Variants in TRIR observed in about 807,000 individuals in gnomAD.
The protein encoded by TRIR is telomerase RNA component-interacting RNase.
Under a neutral mutation model 18.2 loss-of-function variants are expected in TRIR, and 5 were observed. The observed-to-expected ratio is 0.27, with a 90% CI of 0.14 to 0.58. The LOEUF (loss-of-function observed/expected upper bound fraction) is 0.58, where lower values mean the gene tolerates loss of function less well. Ranked by LOEUF, TRIR falls within the 20% of genes least tolerant of loss-of-function variation. The pLI, the probability that TRIR is intolerant of heterozygous loss-of-function variation, is 0.91. For missense variants in TRIR, 206 were observed against 252.8 expected (o/e 0.81, Z 1.25); for synonymous variants, 134 against 114.4 (o/e 1.17, Z -1.10).
Position 12,731,127 on chromosome 19 carries a change from C to G in TRIR, c.424-59G>C, listed in dbSNP as rs1484592126. 77 of 1,439,170 alleles carry G rather than the reference C, an allele frequency of 5.4e-5. No homozygotes were observed. The highest frequency in any genetic ancestry group is 7.3e-5 in the Non-Finnish European group (75 of 1,021,654). The allele number at this position is 1,439,170 out of a possible 1,614,324, so 89.2% of individuals were successfully genotyped here. On this transcript the variant is annotated intron_variant, in intron 2 of 2. Coordinates refer to ENST00000242784, the MANE Select transcript of TRIR (RefSeq NM_024038.4). The surrounding 1 kb of genome is among the most constrained non-coding windows in gnomAD (Gnocchi z 5.1). ...GCCAGGAACCAGGGTCAGGACTGCC[C>G]TGAGACAGGTGACCCATTCCCAGTG... is the stretch of plus-strand genomic sequence containing the variant.
Position 12,731,643 on chromosome 19 carries a change from A to G in TRIR, c.346-222T>C. ...CTCCCAGGGAGCAAGAAGAGTGTCC[A>G]CCTCAGTAGGGACCAGCTCTGTTCT... On this transcript the variant is annotated intron_variant, in intron 1 of 2. Coordinates refer to ENST00000242784, the MANE Select transcript of TRIR (RefSeq NM_024038.4). This position sits in a 1 kb window ranked among gnomAD's most constrained non-coding sequence, Gnocchi z 5.1. 1.7e-6 allele frequency: 1 copy of G among 575,878 alleles called. No individual in the cohort carries two copies. The highest frequency in any genetic ancestry group is 2.1e-5 in the South Asian group (1 of 48,376). 35.7% of individuals were successfully genotyped at this position (575,878 alleles called of 1,614,324 possible).
Position 12,731,547 on chromosome 19 carries a change from A to G in TRIR, c.346-126T>C. 1 of 1,016,766 alleles carries G rather than the reference A, an allele frequency of 9.8e-7. No individual in the cohort carries two copies. Among genetic ancestry groups the G allele is most frequent in the Non-Finnish European group, 1.4e-6 (1 of 703,804 alleles). 63.0% of individuals were successfully genotyped at this position (1,016,766 alleles called of 1,614,324 possible). ...TCCTGACGCCGCGCCCAGCTCCGCC[A>G]GCCGGCCGACCTGCGCAGCAATCAG... On this transcript the variant is annotated intron_variant, in intron 1 of 2. Coordinates refer to ENST00000242784, the MANE Select transcript of TRIR (RefSeq NM_024038.4). This position sits in a 1 kb window ranked among gnomAD's most constrained non-coding sequence, Gnocchi z 5.1.
chr19:12,732,327 C>T (rs1321952454), intron 1 of TRIR, among the ~76,000 whole-genome samples: 1 of 152,042 alleles, frequency 6.6e-6, no homozygotes, highest in African/African-American at 2.4e-5. Context: ...TTTGAGGGTG[C>T]AGCCAAAATG....
In TRIR at chr19:12,730,737, G is replaced by C; in HGVS notation, c.*224C>G. 1.7e-6 allele frequency: 1 copy of C among 586,762 alleles called. No individual in the cohort carries two copies. The highest frequency in any genetic ancestry group is 2.0e-5 in the South Asian group (1 of 48,940). The allele number at this position is 586,762 out of a possible 1,614,324, so 36.3% of individuals were successfully genotyped here. ...GACAGAAAGAGCCAGAGAGAATGAG[G>C]AGGTGAGAAGGGGGGGACAGTAAAC... On this transcript the variant is annotated 3_prime_UTR_variant, in exon 3 of 3. Coordinates refer to ENST00000242784, the MANE Select transcript of TRIR (RefSeq NM_024038.4).
chr19:12,732,596 ATTT>A (rs796787244), intron 1 of TRIR, among the ~76,000 whole-genome samples: 2 of 136,716 alleles, frequency 1.5e-5, no homozygotes, highest in Non-Finnish European at 1.6e-5. Context: ...GACTATTTCC[ATTT>A]TTTTTTTTTT....
Position 12,734,502 on chromosome 19 carries a change from C to A in TRIR, c.156G>T (p.Val52=). The change falls in exon 1 of 3, where the codon GTG becomes GTT. Residue 52 remains valine (V), a synonymous_variant. Coordinates refer to ENST00000242784, the MANE Select transcript of TRIR (RefSeq NM_024038.4). This position sits in a 1 kb window ranked among gnomAD's most constrained non-coding sequence, Gnocchi z 4.1. ...EEVSGAGSSP[V]SGGVNLFAND... The stretch of plus-strand genomic sequence containing the variant: ...TGGCGAACAAGTTCACGCCGCCCGA[C>A]ACCGGGCTCGAACCCGCGCCCGACA... 6.5e-7 allele frequency: 1 copy of A among 1,536,434 alleles called. No individual in the cohort carries two copies. The highest frequency in any genetic ancestry group is 8.7e-7 in the Non-Finnish European group (1 of 1,143,752).
At position 12,734,580 on chromosome 19, in the gene TRIR, G is replaced by T. The variant is rs917292227; in HGVS notation, c.78C>A (p.Ser26Arg). ...PGPAGGGGGG[S>R]RWAESGSGTS... ...TCCCCGATCCCGACTCAGCCCAACG[G>T]CTCCCGCCACCGCCACCGCCCGCGG... is the stretch of plus-strand genomic sequence containing the variant. Residue 26 changes from serine (S) to arginine (R), a missense_variant, in exon 1 of 3, where the codon AGC (serine) becomes AGA (arginine). By Grantham distance (110) the Ser-to-Arg change is moderately radical (BLOSUM62 -1). This residue lies in a region of TRIR where 172 missense variants were observed against 165.0 expected (regional missense o/e 1.04). Coordinates refer to ENST00000242784, the MANE Select transcript of TRIR (RefSeq NM_024038.4). The surrounding 1 kb of genome is among the most constrained non-coding windows in gnomAD (Gnocchi z 4.1). 12 of 1,522,994 alleles carry T rather than the reference G, an allele frequency of 7.9e-6. No individual in the cohort carries two copies. The highest frequency in any genetic ancestry group is 1.1e-5 in the Non-Finnish European group (12 of 1,140,534). 94.3% of individuals were successfully genotyped at this position (1,522,994 alleles called of 1,614,324 possible).
At position 12,731,015 on chromosome 19, in the gene TRIR, C is replaced by T. The variant is rs754112487; in HGVS notation, c.477G>A (p.Lys159=). The change falls in exon 3 of 3, where the codon AAG becomes AAA. Residue 159 remains lysine (K), a synonymous_variant. Coordinates refer to ENST00000242784, the MANE Select transcript of TRIR (RefSeq NM_024038.4). The surrounding 1 kb of genome is among the most constrained non-coding windows in gnomAD (Gnocchi z 5.1). ...AWAKYMAEVK[K]YKAHQCGDDD... ...CGTCACCGCACTGGTGAGCTTTGTA[C>T]TTTTTCACTTCTGCCATGTACTTGG... 3 of 1,613,928 alleles carry T rather than the reference C, an allele frequency of 1.9e-6. No individual in the cohort carries two copies. The highest frequency in any genetic ancestry group is 2.7e-5 in the African/African-American group (2 of 74,860).
chr19:12,734,400 CG>C lies in TRIR; in HGVS notation c.257del (p.Pro86ArgfsTer40), dbSNP rs1266697551. Reference protein sequence around the residue: ...EQRQRQEEPPPGPQRPDQSAA... With the variant: ...EQRQRQEEPPXGPQRPDQSAA... ...CCGACTGGTCGGGTCGCTGCGGACC[CG>C]GGGGCGGCTCCTCCTGCCGCTGCCG... On this transcript the variant is annotated frameshift_variant, in exon 1 of 3. Transcript: ENST00000242784. LOFTEE classifies it high-confidence loss of function. This position sits in a 1 kb window ranked among gnomAD's most constrained non-coding sequence, Gnocchi z 4.1. 7 of 1,515,334 alleles carry C rather than the reference CG, an allele frequency of 4.6e-6. No homozygotes were observed. Among genetic ancestry groups the C allele is most frequent in the East Asian group, 2.7e-5 (1 of 36,788 alleles). The allele number at this position is 1,515,334 out of a possible 1,614,324, so 93.9% of individuals were successfully genotyped here.
chr19:12,730,898 C>A lies in TRIR; in HGVS notation c.*63G>T. On this transcript the variant is annotated 3_prime_UTR_variant, in exon 3 of 3. Transcript: ENST00000242784. ...TCAGGGAAGGCTGTCGCCGCTGCCG[C>A]TGCATTAAATAGTTATGTACATCGC... 1 of 1,463,906 alleles carries A rather than the reference C, an allele frequency of 6.8e-7. No homozygotes were observed. The highest frequency in any genetic ancestry group is 9.6e-7 in the Non-Finnish European group (1 of 1,045,310). 90.7% of individuals were successfully genotyped at this position (1,463,906 alleles called of 1,614,324 possible).
Position 12,730,972 on chromosome 19 carries a change from G to A in TRIR, c.520C>T (p.Leu174=). Residue 174 remains leucine, a synonymous_variant, in exon 3 of 3, where the codon CTG becomes TTG. Coordinates refer to ENST00000242784, the MANE Select transcript of TRIR (RefSeq NM_024038.4). The part of the protein sequence containing the change: ...QCGDDDKTRP[L]VK ...GTGGGGGAGGGGCGTCATTTCACCAGGGGCCGAGTTTTATCATCGTCACCG... is the reference window on the plus strand; with the variant it reads ...GTGGGGGAGGGGCGTCATTTCACCAAGGGCCGAGTTTTATCATCGTCACCG... The A allele has an allele frequency of 6.2e-7, 1 of 1,613,956 alleles. No individual in the cohort carries two copies. Among genetic ancestry groups the A allele is most frequent in the Non-Finnish European group, 8.5e-7 (1 of 1,179,942 alleles).
chr19:12,734,341 T>C lies in TRIR; in HGVS notation c.317A>G (p.Lys106Arg). Residue 106 changes from lysine (K) to arginine (R), a missense_variant, in exon 1 of 3, where the codon AAG (lysine) becomes AGG (arginine). Around this residue, in one of 2 missense-constraint regions of TRIR, gnomAD observed 172 missense variants for 165.0 expected, o/e 1.04. Transcript: ENST00000242784. This position sits in a 1 kb window ranked among gnomAD's most constrained non-coding sequence, Gnocchi z 4.1. ...GCTAAGTGTGGAGCCCGGACCGCCC[T>C]TCCTCTTCGGATCCCCGGGGCCAGC... ...AAAGPGDPKR[K>R]GGPGSTLSFV... The C allele has an allele frequency of 6.9e-7, 1 of 1,451,574 alleles. No homozygotes were observed. The allele number at this position is 1,451,574 out of a possible 1,614,324, so 89.9% of individuals were successfully genotyped here.
Position 12,730,955 on chromosome 19 carries a change from G to A in TRIR, c.*6C>T. ...TCCCAGGCCATGGGCAGGTGGGGGA[G>A]GGGCGTCATTTCACCAGGGGCCGAG... On this transcript the variant is annotated 3_prime_UTR_variant, in exon 3 of 3. Coordinates refer to ENST00000242784, the MANE Select transcript of TRIR (RefSeq NM_024038.4). 6.2e-7 allele frequency: 1 copy of A among 1,612,144 alleles called. No individual in the cohort carries two copies. Among genetic ancestry groups the A allele is most frequent in the Non-Finnish European group, 8.5e-7 (1 of 1,178,326 alleles).
intron 1 of TRIR, among the ~76,000 whole-genome samples, chr19:12,733,611 C>T (rs2145673737): frequency 6.6e-6 from 1 of 152,278 alleles, no homozygotes; most frequent in South Asian, 2.1e-4. Flanking sequence ...GTGGAGGGAA[C>T]TGCCCCAATT....
In TRIR at chr19:12,734,344, C is replaced by T. The variant is rs1471755652; in HGVS notation, c.314G>A (p.Arg105Lys). Residue 105 changes from arginine (R) to lysine (K), a missense_variant, in exon 1 of 3, where the codon AGG (arginine) becomes AAG (lysine). Around this residue, in one of 2 missense-constraint regions of TRIR, gnomAD observed 172 missense variants for 165.0 expected, o/e 1.04. Transcript: ENST00000242784. This position sits in a 1 kb window ranked among gnomAD's most constrained non-coding sequence, Gnocchi z 4.1. Reference protein sequence around the residue: ...AAAAGPGDPKRKGGPGSTLSF... With the variant: ...AAAAGPGDPKKKGGPGSTLSF... ...AAGTGTGGAGCCCGGACCGCCCTTC[C>T]TCTTCGGATCCCCGGGGCCAGCGGC... 1.4e-6 allele frequency: 2 copies of T among 1,454,824 alleles called. No homozygotes were observed. Among genetic ancestry groups the T allele is most frequent in the Non-Finnish European group, 1.8e-6 (2 of 1,102,936 alleles). 90.1% of individuals were successfully genotyped at this position (1,454,824 alleles called of 1,614,324 possible). A position where few individuals can be genotyped will look rare whatever the true frequency, so the allele number is the denominator to read the frequency against.
Position 12,730,894 on chromosome 19 carries a change from G to C in TRIR, c.*67C>G. On this transcript the variant is annotated 3_prime_UTR_variant, in exon 3 of 3. Coordinates refer to ENST00000242784, the MANE Select transcript of TRIR (RefSeq NM_024038.4). ...CCTCTCAGGGAAGGCTGTCGCCGCT[G>C]CCGCTGCATTAAATAGTTATGTACA... is the stretch of plus-strand genomic sequence containing the variant. 7.0e-7 allele frequency: 1 copy of C among 1,429,720 alleles called. No homozygotes were observed. The highest frequency in any genetic ancestry group is 1.1e-5 in the South Asian group (1 of 87,068). The allele number at this position is 1,429,720 out of a possible 1,614,324, so 88.6% of individuals were successfully genotyped here. A position where few individuals can be genotyped will look rare whatever the true frequency, so the allele number is the denominator to read the frequency against.
rs1431648763 is a variant in TRIR at position 12,734,638 on chromosome 19, C to T, written c.20G>A (p.Arg7Gln). 2 of 1,510,658 alleles carry T rather than the reference C, an allele frequency of 1.3e-6. No individual in the cohort carries two copies. Among genetic ancestry groups the T allele is most frequent in the Non-Finnish European group, 1.8e-6 (2 of 1,136,772 alleles). The allele number at this position is 1,510,658 out of a possible 1,614,324, so 93.6% of individuals were successfully genotyped here. ...AGCCTCCCGGCCCTGAGGCTCCGCC[C>T]GTCTCCCTCGGGCAGCCATTTTGTC... Reference protein sequence around the residue: MAARGRRAEPQGREAPG... With the variant: MAARGRQAEPQGREAPG... Residue 7 changes from arginine (R) to glutamine (Q), a missense_variant, in exon 1 of 3, where the codon CGG (arginine) becomes CAG (glutamine). Arg to Gln is a conservative substitution (Grantham distance 43). This residue lies in a region of TRIR where 172 missense variants were observed against 165.0 expected (regional missense o/e 1.04). Coordinates refer to ENST00000242784, the MANE Select transcript of TRIR (RefSeq NM_024038.4). This position sits in a 1 kb window ranked among gnomAD's most constrained non-coding sequence, Gnocchi z 4.1.
At chr19:12,733,158 C>T (rs1967466432) in intron 1 of TRIR, among the ~76,000 whole-genome samples, 1 of 152,166 alleles carries the variant, frequency 6.6e-6, no homozygotes, top group South Asian at 2.1e-4. Context: ...ATCCACCCAC[C>T]TCGACCTCCC....
At chr19:12,733,841 G>C (rs1426210432) in intron 1 of TRIR, among the ~76,000 whole-genome samples, 1 of 152,098 alleles carries the variant, frequency 6.6e-6, no homozygotes, top group African/African-American at 2.4e-5. Context: ...CCTAGCACGA[G>C]GTAAATTGCT....
Sources: allele counts gnomAD v4.1 joint callset (sites outside exome capture counted in the v4.1 genomes callset), GRCh38; gene constraint gnomAD v4.1.1; regional missense constraint gnomAD v4.1.1; non-coding constraint Gnocchi (gnomAD v3.1); transcripts MANE v1.5; gene names NCBI Gene and HGNC (gene_info 2026-07-23, HGNC 2026-07-21).